The following PDE2A variants were observed in gnomAD, a reference collection of about 807,000 sequenced individuals.
PDE2A encodes the protein cGMP-dependent 3',5'-cyclic phosphodiesterase.
PDE2A carries 53 observed loss-of-function variants against 133.6 expected under a neutral mutation model. The ratio of observed to expected loss-of-function variants is 0.40; its 90% CI spans 0.32 to 0.50. The LOEUF (loss-of-function observed/expected upper bound fraction) is 0.50. Among genes scored for constraint, PDE2A ranks in the 20% least tolerant of loss-of-function variants. The pLI is 0.73. For missense variants in PDE2A, 796 were observed against 1,232.4 expected, an observed-to-expected ratio of 0.65 and a Z score of 5.30; for synonymous variants, 491 against 490.2, an observed-to-expected ratio of 1.00 and a Z score of -0.02.
chr11:72,629,943 T>C (rs865882477), intron 2 of PDE2A, among the ~76,000 whole-genome samples: 1 of 152,100 alleles, frequency 6.6e-6, no homozygotes, highest in African/African-American at 2.4e-5. Flanking sequence ...TTCCTCTCCC[T>C]CTCAGCCAGG....
At position 72,580,961 on chromosome 11, in the gene PDE2A, G is replaced by T. The variant is rs146299609; in HGVS notation, c.2058C>A (p.Ile686=). 3.7e-5 allele frequency: 59 copies of T among 1,611,208 alleles called. No individual in the cohort carries two copies. The African/African-American group carries it at 7.2e-4, about 20-fold the overall frequency. Residue 686 remains isoleucine, a synonymous_variant, in exon 24 of 31, where the codon ATC becomes ATA. Transcript: ENST00000334456. ...ELTNYLEDIE[I]FALFISCMCH... ...ACATGCAGGAAATAAACAAGGCAAAGATCTCGATGTCCCTGGTTGAGAGGC... is the reference window on the plus strand; with the variant it reads ...ACATGCAGGAAATAAACAAGGCAAATATCTCGATGTCCCTGGTTGAGAGGC...
At chr11:72,623,265 C>T (rs1331332662) in intron 2 of PDE2A, among the ~76,000 whole-genome samples, 2 of 152,140 alleles carry the variant, frequency 1.3e-5, no homozygotes, top group African/African-American at 4.8e-5. Context: ...CCAGCACCAT[C>T]CACACACCGA....
chr11:72,580,677 C>T, intron 24 of PDE2A, 53 bp from the exon 25 acceptor site: 3 of 1,406,134 alleles, frequency 2.1e-6, no homozygotes, highest in Non-Finnish European at 3.0e-6. Flanking sequence ...ATCCAAGTGC[C>T]ACTGCTTTAG....
chr11:72,637,980 G>A (rs1261939985), intron 2 of PDE2A, among the ~76,000 whole-genome samples: 2 of 152,208 alleles, frequency 1.3e-5, no homozygotes, highest in African/African-American at 2.4e-5. Context: ...TGGTCAGGAC[G>A]GGTATGGATA....
rs765844012 is a variant in PDE2A, at chr11:72,580,621, A to T, written c.2137T>A (p.Ser713Thr). 24 of 1,564,472 alleles carry T rather than the reference A, an allele frequency of 1.5e-5. No individual in the cohort carries two copies. In the South Asian group the frequency reaches 2.8e-4, roughly 18 times the overall value. Reference sequence around the variant, plus strand: ...GAGCTGTAGAGCGCAGCCAGCACAGATTTCTGGAAAAGCCCAGGAAAACTG... The same window carrying T: ...GAGCTGTAGAGCGCAGCCAGCACAGTTTTCTGGAAAAGCCCAGGAAAACTG... ...TNNSFQVASK[S>T]VLAALYSSEG... The change falls in exon 25 of 31, where the codon TCT (serine) becomes ACT (threonine). Residue 713 changes from serine to threonine, a missense_variant. Ser to Thr is a moderately conservative substitution (Grantham distance 58, BLOSUM62 1). Transcript: ENST00000334456.
intron 2 of PDE2A, among the ~76,000 whole-genome samples, chr11:72,617,860 G>A (rs529322119): frequency 6.6e-6 from 1 of 152,314 alleles, no homozygotes; most frequent in East Asian, 1.9e-4. Context: ...TGCCCCTGCA[G>A]GAATGTGTGA....
intron 1 of PDE2A, among the ~76,000 whole-genome samples, chr11:72,663,394 C>T (rs565964624): frequency 2.6e-5 from 4 of 152,182 alleles, no homozygotes; most frequent in Non-Finnish European, 5.9e-5. Context: ...GTAGATAATG[C>T]GCATATGAGT....
At chr11:72,596,160 T>G (rs541316571) in intron 6 of PDE2A, among the ~76,000 whole-genome samples, 15 of 152,146 alleles carry the variant, frequency 9.9e-5, no homozygotes, top group Non-Finnish European at 2.1e-4. Flanking sequence ...CTCCGCAGCA[T>G]CTCTCTTCAC....
At chr11:72,580,849 A>C (rs779992103) in intron 24 of PDE2A, 37 bp downstream of exon 24, 42 of 1,299,422 alleles carry the variant, frequency 3.2e-5, no homozygotes, top group African/African-American at 1.0e-4. Context: ...CAGACACCCC[A>C]TGGAGGGTCC....
chr11:72,653,113 A>C (rs762324135), intron 1 of PDE2A, among the ~76,000 whole-genome samples: 1 of 152,238 alleles, frequency 6.6e-6, no homozygotes. Context: ...GGCACGGTGC[A>C]GGGCGGAGGC....
At chr11:72,641,957 G>C (rs1290302135) in intron 2 of PDE2A, among the ~76,000 whole-genome samples, 1 of 152,220 alleles carries the variant, frequency 6.6e-6, no homozygotes, top group Non-Finnish European at 1.5e-5. Context: ...TCTAAGGAAA[G>C]GGAATTCGAG....
intron 3 of PDE2A, among the ~76,000 whole-genome samples, chr11:72,607,944 T>C (rs545078343): frequency 4.3e-4 from 66 of 152,244 alleles, no homozygotes; most frequent in Non-Finnish European, 8.5e-4. Flanking sequence ...ACTAACACCC[T>C]GCTACTTTGG....
chr11:72,666,020 T>TA (rs899552444), intron 1 of PDE2A, among the ~76,000 whole-genome samples: 2 of 151,582 alleles, frequency 1.3e-5, no homozygotes, highest in African/African-American at 2.4e-5. Context: ...CTCCATCGAG[T>TA]CTCCATGCTC....
chr11:72,586,208 G>C, intron 13 of PDE2A, 27 bp from the exon 14 acceptor site: 1 of 1,368,712 alleles, frequency 7.3e-7, no homozygotes, highest in Non-Finnish European at 1.0e-6. Context: ...GCTCACTCAG[G>C]AGGGAAGGGA....
intron 2 of PDE2A, among the ~76,000 whole-genome samples, chr11:72,611,912 T>G (rs1433840803): frequency 6.6e-6 from 1 of 152,066 alleles, no homozygotes; most frequent in African/African-American, 2.4e-5. Context: ...TAGCTCAAAT[T>G]GCAAAGCCCA....
chr11:72,658,804 A>C (rs756841849), intron 1 of PDE2A, among the ~76,000 whole-genome samples: 6 of 151,944 alleles, frequency 3.9e-5, no homozygotes, highest in Non-Finnish European at 8.8e-5. Context: ...ACACAAACCA[A>C]ACCTAATCCC....
chr11:72,601,430 G>A (rs1039909785), intron 4 of PDE2A, among the ~76,000 whole-genome samples: 5 of 141,604 alleles, frequency 3.5e-5, no homozygotes, highest in African/African-American at 7.9e-5. Flanking sequence ...GGAGCAGACC[G>A]TTCCCGGTGT....
At chr11:72,636,041 A>T in intron 2 of PDE2A, 1 of 1,275,064 alleles carries the variant, frequency 7.8e-7, no homozygotes, top group Non-Finnish European at 1.0e-6. Context: ...AGTAGAGGCA[A>T]CCGTGGATGG....
chr11:72,619,653 G>A (rs1167250312), intron 2 of PDE2A, among the ~76,000 whole-genome samples: 1 of 152,206 alleles, frequency 6.6e-6, no homozygotes, highest in Admixed American at 6.5e-5. Context: ...GTATGTGGCT[G>A]TCTGGGGTGC....
Sources: allele counts gnomAD v4.1 joint callset (sites outside exome capture counted in the v4.1 genomes callset), GRCh38; gene constraint gnomAD v4.1.1; transcripts MANE v1.5; gene names NCBI Gene and HGNC (gene_info 2026-07-23, HGNC 2026-07-21).